TRIQK: variants seen among roughly 807,000 people sequenced by gnomAD.
TRIQK encodes the protein triple QxxK/R motif-containing protein.
Under a neutral mutation model 10.8 loss-of-function variants are expected in TRIQK, and 10 were observed. That is an observed-to-expected ratio of 0.92 (90% CI 0.57 to 1.57). The LOEUF is 1.57. TRIQK is among the 40% of genes most tolerant of loss of function. The pLI is 0.00. For synonymous variants in TRIQK, 33 were observed against 33.7 expected, an observed-to-expected ratio of 0.98 and a Z score of 0.07; for missense variants, 107 against 97.7, an observed-to-expected ratio of 1.09 and a Z score of -0.40.
intron 1 of TRIQK, among the ~76,000 whole-genome samples, chr8:93,008,331 T>C (rs1813294839): frequency 6.6e-6 from 1 of 152,130 alleles, no homozygotes; most frequent in Admixed American, 6.5e-5. Context: ...TTGAAAAATA[T>C]TGAAGAGGAC....
chr8:93,005,083 C>T (rs1325697715), intron 1 of TRIQK, among the ~76,000 whole-genome samples: 1 of 152,152 alleles, frequency 6.6e-6, no homozygotes, highest in African/African-American at 2.4e-5. Context: ...TTCTCTGATG[C>T]CAATTTTCTG....
chr8:92,982,789 G>A (rs1289638328), intron 1 of TRIQK, among the ~76,000 whole-genome samples: 1 of 151,950 alleles, frequency 6.6e-6, no homozygotes, highest in Non-Finnish European at 1.5e-5. Context: ...TCCAGAAGTA[G>A]GATGAAGTTG....
intron 1 of TRIQK, among the ~76,000 whole-genome samples, chr8:92,964,585 C>G (rs1351138744): frequency 2.7e-5 from 4 of 148,482 alleles, no homozygotes; most frequent in Admixed American, 2.7e-4. Context: ...AATTTCTTCC[C>G]CATTTCTAAA....
rs1013498364 is a variant in TRIQK, at chr8:92,986,051, G to A, written c.-180-31487C>T. 6.6e-5 allele frequency among the ~76,000 whole-genome samples: 10 copies of A among 152,196 alleles called. No homozygotes were observed. In the East Asian group the frequency reaches 1.5e-3, roughly 24 times the overall value. On this transcript the variant is annotated intron_variant, in intron 1 of 4. Transcript: ENST00000520686. The stretch of plus-strand genomic sequence containing the variant: ...ACATGCAATGTCAATTACCAGAAAG[G>A]TGTTTGTGGCCTTCAATCACAGGGA...
At chr8:92,993,653 G>A (rs1586525521) in intron 1 of TRIQK, among the ~76,000 whole-genome samples, 2 of 152,116 alleles carry the variant, frequency 1.3e-5, no homozygotes, top group East Asian at 1.9e-4. Flanking sequence ...TATCTGCACC[G>A]GTGGGCAAAG....
intron 2 of TRIQK, among the ~76,000 whole-genome samples, chr8:92,949,993 A>C (rs1486468601): frequency 6.6e-6 from 1 of 152,092 alleles, no homozygotes; most frequent in African/African-American, 2.4e-5. Context: ...CTCAGAATAT[A>C]CTAAGCCTAT....
intron 1 of TRIQK, among the ~76,000 whole-genome samples, chr8:93,016,675 G>A (rs1813386879): frequency 6.6e-6 from 1 of 152,172 alleles, no homozygotes; most frequent in Non-Finnish European, 1.5e-5. Context: ...GCTTTATGAA[G>A]ATAGAAATGT....
chr8:92,891,599 T>C (rs1816766318), intron 4 of TRIQK, among the ~76,000 whole-genome samples: 1 of 151,912 alleles, frequency 6.6e-6, no homozygotes, highest in African/African-American at 2.4e-5. Context: ...TAAAATTACA[T>C]AATTAATGAT....
rs142816509 is a variant in TRIQK, at chr8:92,982,280, C to T, written c.-180-27716G>A. Among the ~76,000 whole-genome samples the T allele has an allele frequency of 3.3e-5, 5 of 151,868 alleles. No individual in the cohort carries two copies. The East Asian group carries it at 5.8e-4, about 18-fold the overall frequency. Reference sequence around the variant, plus strand: ...CTATGGAATATATAGTTTGGAGATTCAGTTAAAGAAGAGAAAACTAGATAG... The same window carrying T: ...CTATGGAATATATAGTTTGGAGATTTAGTTAAAGAAGAGAAAACTAGATAG... On this transcript the variant is annotated intron_variant, in intron 1 of 4. Coordinates refer to the TRIQK transcript ENST00000520686.
chr8:92,958,504 T>G (rs1156579751), intron 1 of TRIQK, among the ~76,000 whole-genome samples: 3 of 152,048 alleles, frequency 2.0e-5, no homozygotes, highest in Admixed American at 1.3e-4. Flanking sequence ...AGATATTACC[T>G]GATTTTCATC....
chr8:92,944,304 C>CAAAAAAAAAA (rs56002665), intron 2 of TRIQK, among the ~76,000 whole-genome samples: 1 of 134,838 alleles, frequency 7.4e-6, no homozygotes. Flanking sequence ...GAAGGTTACT[C>CAAAAAAAAAA]AAAAAAAAAA....
chr8:92,983,797 C>G (rs934567409), intron 1 of TRIQK, among the ~76,000 whole-genome samples: 1 of 151,964 alleles, frequency 6.6e-6, no homozygotes, highest in African/African-American at 2.4e-5. Flanking sequence ...GTCCACTGAA[C>G]TTTTCAATTT....
chr8:92,913,193 G>T (rs1266807299), intron 3 of TRIQK, among the ~76,000 whole-genome samples: 1 of 152,050 alleles, frequency 6.6e-6, no homozygotes, highest in Non-Finnish European at 1.5e-5. Context: ...TTAACAAAAT[G>T]AAGAATAAAA....
At chr8:92,942,319 G>GA (rs1339477259) in intron 2 of TRIQK, among the ~76,000 whole-genome samples, 1 of 152,060 alleles carries the variant, frequency 6.6e-6, no homozygotes, top group Non-Finnish European at 1.5e-5. Flanking sequence ...AGCAGATGCA[G>GA]AAAAAACATT....
intron 2 of TRIQK, among the ~76,000 whole-genome samples, chr8:92,934,501 T>A (rs1810887306): frequency 6.6e-6 from 1 of 151,848 alleles, no homozygotes. Flanking sequence ...AAGACAACAA[T>A]AACAAGGCCC....
chr8:92,916,603 T>C lies in TRIQK; in HGVS notation c.61+326A>G, dbSNP rs565157216. Reference sequence around the variant, plus strand: ...CAACAGAATTAAAAGTTATAATATGTATACAAAGGAATGATTTAATGGATT... The same window carrying C: ...CAACAGAATTAAAAGTTATAATATGCATACAAAGGAATGATTTAATGGATT... On this transcript the variant is annotated intron_variant, in intron 3 of 4. Coordinates refer to ENST00000521988, the MANE Select transcript of TRIQK (RefSeq NM_001171797.2). Among the ~76,000 whole-genome samples, 348 of 152,188 alleles carry C rather than the reference T, an allele frequency of 2.3e-3. 5 individuals carry two copies. The highest frequency in any genetic ancestry group is 8.1e-3 in the African/African-American group (338 of 41,560).
At chr8:93,000,458 CTGAA>C (rs1423527204) in intron 1 of TRIQK, among the ~76,000 whole-genome samples, 10 of 152,082 alleles carry the variant, frequency 6.6e-5, no homozygotes, top group Non-Finnish European at 2.9e-5. Context: ...TCTTGTGAGA[CTGAA>C]TCACTATCAT....
intron 3 of TRIQK, among the ~76,000 whole-genome samples, chr8:92,912,758 C>T (rs1809635185): frequency 1.3e-5 from 2 of 151,678 alleles, no homozygotes; most frequent in African/African-American, 4.8e-5. Context: ...TAAAAATATG[C>T]AACCAAGCAA....
intron 3 of TRIQK, among the ~76,000 whole-genome samples, chr8:92,896,702 C>T (rs1808617610): frequency 6.6e-6 from 1 of 152,106 alleles, no homozygotes; most frequent in Admixed American, 6.5e-5. Context: ...TGTTGTTTTC[C>T]CTGTTGGGTT....
Sources: gnomAD v4.1 joint callset for allele counts (sites outside exome capture counted in the v4.1 genomes callset) on GRCh38, gnomAD v4.1.1 for gene constraint, MANE v1.5 for transcripts, NCBI Gene and HGNC (gene_info 2026-07-23, HGNC 2026-07-21) for gene names.